The following SLC30A8 variants were observed in gnomAD, a reference collection of about 807,000 sequenced individuals.
The protein encoded by SLC30A8 is solute carrier family 30 member 8.
A neutral mutation model predicts 36.9 loss-of-function variants in SLC30A8; 27 were observed. The observed-to-expected ratio is 0.73, with a 90% CI of 0.54 to 1.01. SLC30A8 has a LOEUF of 1.01. Ranked by LOEUF, SLC30A8 falls within the 50% of genes least tolerant of loss-of-function variation. SLC30A8 has a pLI of 0.00. For synonymous variants in SLC30A8, 164 were observed against 172.4 expected (o/e 0.95, Z 0.38); for missense variants, 439 against 452.0 (o/e 0.97, Z 0.26).
chr8:117,093,932 G>A (rs1215982457), intron 2 of SLC30A8, among the ~76,000 whole-genome samples: 1 of 152,236 alleles, frequency 6.6e-6, no homozygotes, highest in African/African-American at 2.4e-5. Context: ...CACCAACTGG[G>A]GCAGGGTGGG....
intron 2 of SLC30A8, among the ~76,000 whole-genome samples, chr8:117,125,699 G>T (rs1168295494): frequency 2.0e-5 from 3 of 151,952 alleles, no homozygotes; most frequent in African/African-American, 7.2e-5. Flanking sequence ...TGCAATGACT[G>T]AGAAAAGGCA....
chr8:117,157,281 G>A (rs1290028029), intron 3 of SLC30A8, among the ~76,000 whole-genome samples: 4 of 151,992 alleles, frequency 2.6e-5, no homozygotes, highest in East Asian at 1.9e-4. Flanking sequence ...CTGGCAGGTC[G>A]TAAATTTTTT....
chr8:117,081,715 T>G (rs1259784906), intron 2 of SLC30A8, among the ~76,000 whole-genome samples: 3 of 152,206 alleles, frequency 2.0e-5, no homozygotes, highest in Admixed American at 2.0e-4. Context: ...GACTTGGCAT[T>G]GTCAGGTCTG....
intron 1 of SLC30A8, among the ~76,000 whole-genome samples, chr8:117,023,577 T>C (rs1816777528): frequency 6.6e-6 from 1 of 152,078 alleles, no homozygotes; most frequent in Non-Finnish European, 1.5e-5. Context: ...TGTAGGGACA[T>C]GGATGAAGCT....
In SLC30A8 at chr8:116,959,472, G is replaced by A. The variant is rs945408282; in HGVS notation, c.-266+8353G>A. Among the ~76,000 whole-genome samples, 5 of 152,210 alleles carry A rather than the reference G, an allele frequency of 3.3e-5. No homozygotes were observed. In the South Asian group the frequency reaches 1.0e-3, roughly 32 times the overall value. ...TTCTCATTATGGATCATATTTTCCT[G>A]CTTCTTTTTATGCCTAGAATCCTTA... On this transcript the variant is annotated intron_variant, in intron 1 of 10. Coordinates refer to the SLC30A8 transcript ENST00000427715.
chr8:116,994,280 G>A (rs1463986489), intron 1 of SLC30A8, among the ~76,000 whole-genome samples: 1 of 152,090 alleles, frequency 6.6e-6, no homozygotes, highest in Admixed American at 6.5e-5. Context: ...TGCAGGCCCT[G>A]TGACTACATT....
intron 2 of SLC30A8, among the ~76,000 whole-genome samples, chr8:117,116,514 G>A (rs1347543616): frequency 6.6e-6 from 1 of 151,980 alleles, no homozygotes; most frequent in Non-Finnish European, 1.5e-5. Context: ...TTAGCTGTAA[G>A]TGTACTCTTT....
intron 6 of SLC30A8, among the ~76,000 whole-genome samples, chr8:117,165,653 A>G (rs1823019982): frequency 6.6e-6 from 1 of 152,194 alleles, no homozygotes; most frequent in Non-Finnish European, 1.5e-5. Flanking sequence ...TCCCCCCGGT[A>G]AGAAAGGGCC....
At chr8:117,156,559 A>G (rs879752825) in intron 3 of SLC30A8, among the ~76,000 whole-genome samples, 3 of 152,230 alleles carry the variant, frequency 2.0e-5, no homozygotes, top group Non-Finnish European at 2.9e-5. Context: ...CTGCATCAGC[A>G]TTTCCCATAG....
chr8:117,019,940 T>C (rs1013332513), intron 1 of SLC30A8, among the ~76,000 whole-genome samples: 1 of 152,182 alleles, frequency 6.6e-6, no homozygotes, highest in African/African-American at 2.4e-5. Context: ...TCAAAGAACA[T>C]GTAGGACAAC....
chr8:117,070,308 T>C (rs944365307), intron 2 of SLC30A8, among the ~76,000 whole-genome samples: 13 of 152,296 alleles, frequency 8.5e-5, no homozygotes, highest in African/African-American at 1.9e-4. Context: ...TGGACTGGGC[T>C]GGAAGGTCTG....
chr8:117,118,191 A>C (rs1438680911), intron 2 of SLC30A8, among the ~76,000 whole-genome samples: 1 of 150,962 alleles, frequency 6.6e-6, no homozygotes, highest in Non-Finnish European at 1.5e-5. Flanking sequence ...AAAAAAAAAA[A>C]AACCAAAAAA....
At chr8:117,150,789 T>C (rs1822147495) in intron 2 of SLC30A8, among the ~76,000 whole-genome samples, 1 of 152,058 alleles carries the variant, frequency 6.6e-6, no homozygotes, top group South Asian at 2.1e-4. Context: ...ATATTTTTAG[T>C]GGAGACGGGG....
chr8:117,112,235 C>T (rs905136287), intron 2 of SLC30A8, among the ~76,000 whole-genome samples: 1 of 152,068 alleles, frequency 6.6e-6, no homozygotes, highest in African/African-American at 2.4e-5. Context: ...TCTTGTGCTC[C>T]AGACCTTGAA....
intron 1 of SLC30A8, among the ~76,000 whole-genome samples, chr8:117,005,622 T>A (rs1230798960): frequency 1.3e-5 from 2 of 152,232 alleles, no homozygotes; most frequent in African/African-American, 2.4e-5. Flanking sequence ...ATGATAACTC[T>A]ATGTTTAACC....
At chr8:117,125,437 G>A (rs900638801) in intron 2 of SLC30A8, among the ~76,000 whole-genome samples, 3 of 151,996 alleles carry the variant, frequency 2.0e-5, no homozygotes, top group Admixed American at 1.3e-4. Context: ...TGTTAGGACT[G>A]TCTTTTTAGC....
chr8:117,108,211 T>C (rs1820077288), intron 2 of SLC30A8, among the ~76,000 whole-genome samples: 1 of 152,184 alleles, frequency 6.6e-6, no homozygotes, highest in Non-Finnish European at 1.5e-5. Context: ...TGTTTAATAC[T>C]TTCATTCAGT....
chr8:117,134,335 G>C (rs1412569319), upstream of SLC30A8, among the ~76,000 whole-genome samples: 3 of 151,998 alleles, frequency 2.0e-5, no homozygotes, highest in Admixed American at 1.3e-4. Flanking sequence ...CTCTACCGTT[G>C]TGTACATCTT....
chr8:117,075,716 T>C (rs775256993), intron 2 of SLC30A8, among the ~76,000 whole-genome samples: 3 of 152,242 alleles, frequency 2.0e-5, no homozygotes, highest in Admixed American at 6.5e-5. Context: ...TATTGACAGC[T>C]ATGACCTTTG....
Sources: allele counts gnomAD v4.1 joint callset (sites outside exome capture counted in the v4.1 genomes callset), GRCh38; gene constraint gnomAD v4.1.1; transcripts MANE v1.5; gene names NCBI Gene and HGNC (gene_info 2026-07-23, HGNC 2026-07-21).